DLGAP1: variants seen among roughly 807,000 people sequenced by gnomAD.
The protein encoded by DLGAP1 is disks large-associated protein 1.
DLGAP1 carries 11 observed loss-of-function variants against 90.8 expected under a neutral mutation model. The observed-to-expected ratio is 0.12, with a 90% confidence interval of 0.08 to 0.20. The LOEUF is 0.20. DLGAP1 is among the 10% of genes least tolerant of loss of function. DLGAP1 has a pLI of 1.00. For missense variants in DLGAP1, 1,050 were observed against 1,333.8 expected (o/e 0.79, Z 3.31); for synonymous variants, 558 against 540.7 (o/e 1.03, Z -0.44).
At chr18:3,543,986 A>AAAAC (rs142786745) in intron 9 of DLGAP1, among the ~76,000 whole-genome samples, 17 of 151,612 alleles carry the variant, frequency 1.1e-4, no homozygotes, top group Admixed American at 3.3e-4. Flanking sequence ...TCCTCTTTAG[A>AAAAC]AAACAAACAA....
chr18:3,757,385 G>T (rs1177386411), intron 5 of DLGAP1, among the ~76,000 whole-genome samples: 3 of 152,018 alleles, frequency 2.0e-5, no homozygotes, highest in African/African-American at 4.8e-5. Context: ...CTCCAGCCTG[G>T]GTGACAGAGC....
At chr18:4,341,846 A>C (rs2081195598) in intron 1 of DLGAP1, among the ~76,000 whole-genome samples, 1 of 152,132 alleles carries the variant, frequency 6.6e-6, no homozygotes, top group South Asian at 2.1e-4. Flanking sequence ...AAGAATAGTG[A>C]AGTGAAAAGC....
intron 2 of DLGAP1, among the ~76,000 whole-genome samples, chr18:4,018,216 G>A (rs79066777): frequency 1.1e-3 from 172 of 152,292 alleles, no homozygotes; most frequent in African/African-American, 4.0e-3. Flanking sequence ...ATGTGCTCTG[G>A]GCAAAACCAC....
intron 1 of DLGAP1, among the ~76,000 whole-genome samples, chr18:4,333,582 T>G (rs958504476): frequency 1.3e-5 from 2 of 150,864 alleles, no homozygotes; most frequent in Non-Finnish European, 2.9e-5. Flanking sequence ...ATCAGTGCCA[T>G]GCATGTATGA....
intron 1 of DLGAP1, among the ~76,000 whole-genome samples, chr18:4,377,412 A>T (rs2082036202): frequency 6.6e-6 from 1 of 152,172 alleles, no homozygotes; most frequent in Admixed American, 6.6e-5. Flanking sequence ...AATGTCAAGT[A>T]TTTATAAAAA....
intron 2 of DLGAP1, among the ~76,000 whole-genome samples, chr18:4,131,362 G>A (rs2076313584): frequency 6.6e-6 from 1 of 152,172 alleles, no homozygotes; most frequent in Non-Finnish European, 1.5e-5. Context: ...ATATTTAAAA[G>A]TAAAACATGC....
At chr18:3,914,498 G>A (rs946453878) in intron 3 of DLGAP1, among the ~76,000 whole-genome samples, 1 of 152,182 alleles carries the variant, frequency 6.6e-6, no homozygotes, top group African/African-American at 2.4e-5. Context: ...TAACCCTGCA[G>A]TGAACACGGG....
intron 1 of DLGAP1, among the ~76,000 whole-genome samples, chr18:4,428,573 C>T (rs924497790): frequency 6.6e-6 from 1 of 151,928 alleles, no homozygotes; most frequent in Non-Finnish European, 1.5e-5. Flanking sequence ...CAGAGTGAGA[C>T]TCTGTTTTAA....
chr18:4,312,516 T>C (rs574526279), intron 1 of DLGAP1, among the ~76,000 whole-genome samples: 17 of 152,312 alleles, frequency 1.1e-4, no homozygotes, highest in Admixed American at 7.8e-4. Flanking sequence ...TTTTTGACTT[T>C]AAGTTTGTCA....
chr18:3,639,516 A>T (rs1254468392), intron 7 of DLGAP1, among the ~76,000 whole-genome samples: 1 of 152,172 alleles, frequency 6.6e-6, no homozygotes, highest in Non-Finnish European at 1.5e-5. Flanking sequence ...AGCACAGGGC[A>T]TTGGCGGTCA....
chr18:4,097,622 T>G (rs2075705423), intron 2 of DLGAP1, among the ~76,000 whole-genome samples: 1 of 152,078 alleles, frequency 6.6e-6, no homozygotes, highest in Admixed American at 6.5e-5. Flanking sequence ...AACAGATAGT[T>G]ATATTCTGAA....
In DLGAP1 at chr18:3,929,424, G is replaced by C. The variant is rs192514628; in HGVS notation, c.-72-49284C>G. Among the ~76,000 whole-genome samples the C allele has an allele frequency of 6.0e-4, 92 of 152,328 alleles. 1 individual carries two copies. In the South Asian group the frequency reaches 9.5e-3, roughly 16 times the overall value. Reference sequence around the variant, plus strand: ...TAGGTCACTGTCTCTGTAGCAAAGAGAGAAGCCCCACCATGGGTTTTGGTT... The same window carrying C: ...TAGGTCACTGTCTCTGTAGCAAAGACAGAAGCCCCACCATGGGTTTTGGTT... On this transcript the variant is annotated intron_variant, in intron 3 of 12. Coordinates refer to ENST00000315677, the MANE Select transcript of DLGAP1 (RefSeq NM_004746.4).
intron 5 of DLGAP1, among the ~76,000 whole-genome samples, chr18:3,767,196 T>A (rs1458702385): frequency 6.6e-6 from 1 of 152,120 alleles, no homozygotes; most frequent in Admixed American, 6.5e-5. Flanking sequence ...ATTACCACAA[T>A]TCACCTACTT....
At chr18:3,545,510 A>G (rs779370091) in intron 9 of DLGAP1, among the ~76,000 whole-genome samples, 6 of 152,186 alleles carry the variant, frequency 3.9e-5, no homozygotes, top group Non-Finnish European at 8.8e-5. Context: ...TAAGATTGAA[A>G]TAAAAAGCGA....
At chr18:3,858,231 C>G (rs1433998730) in intron 4 of DLGAP1, among the ~76,000 whole-genome samples, 2 of 151,960 alleles carry the variant, frequency 1.3e-5, no homozygotes, top group Non-Finnish European at 2.9e-5. Context: ...TTTCTCTTTC[C>G]AGACACCTCA....
intron 1 of DLGAP1, among the ~76,000 whole-genome samples, chr18:4,363,151 T>A (rs576551606): frequency 4.3e-4 from 65 of 152,098 alleles, no homozygotes; most frequent in Non-Finnish European, 8.4e-4. Context: ...TCCCCAATAT[T>A]CCTTGTGGAG....
intron 2 of DLGAP1, among the ~76,000 whole-genome samples, chr18:4,140,648 G>A (rs574171763): frequency 3.7e-4 from 57 of 152,022 alleles, no homozygotes; most frequent in East Asian, 3.1e-3. Flanking sequence ...TGCACCTTCA[G>A]GTGATTTATT....
At chr18:3,538,375 C>CAAAAAA (rs112805068) in intron 9 of DLGAP1, among the ~76,000 whole-genome samples, 2 of 102,840 alleles carry the variant, frequency 1.9e-5, no homozygotes, top group Non-Finnish European at 4.4e-5. Flanking sequence ...TCAAATGAGC[C>CAAAAAA]AAAAAAAAAA....
chr18:3,798,385 T>A (rs1894002), intron 5 of DLGAP1, among the ~76,000 whole-genome samples: 44,134 of 151,812 alleles, frequency 0.29, 7,263 homozygotes, highest in Non-Finnish European at 0.37. Context: ...CCCTTTGGGG[T>A]CAATGAGGGA....
Sources: gnomAD v4.1 joint callset for allele counts (sites outside exome capture counted in the v4.1 genomes callset) on GRCh38, gnomAD v4.1.1 for gene constraint, MANE v1.5 for transcripts, NCBI Gene and HGNC (gene_info 2026-07-23, HGNC 2026-07-21) for gene names.